DNAJC8: variants seen among roughly 807,000 people sequenced by gnomAD.
DNAJC8 encodes dnaJ homolog subfamily C member 8.
Under a neutral mutation model 43.2 loss-of-function variants are expected in DNAJC8, and 24 were observed. That is an observed-to-expected ratio of 0.56 (90% CI 0.40 to 0.78). The LOEUF (loss-of-function observed/expected upper bound fraction) is 0.78. DNAJC8 is among the 30% of genes least tolerant of loss of function. The pLI is 0.00. For missense variants in DNAJC8, 207 were observed against 299.4 expected, an observed-to-expected ratio of 0.69 and a Z score of 2.28; for synonymous variants, 83 against 98.0, an observed-to-expected ratio of 0.85 and a Z score of 0.90.
At chr1:28,225,412 A>C (rs189577536) in intron 2 of DNAJC8, among the ~76,000 whole-genome samples, 22 of 151,572 alleles carry the variant, frequency 1.5e-4, no homozygotes, top group Non-Finnish European at 2.7e-4. Context: ...AAAAAACAGA[A>C]AACAGATGAA....
intron 2 of DNAJC8, among the ~76,000 whole-genome samples, chr1:28,217,975 C>T (rs983126804): frequency 2.0e-5 from 3 of 151,810 alleles, no homozygotes; most frequent in South Asian, 4.2e-4. Context: ...CAGTTGGGCC[C>T]ATTTGCATGT....
At chr1:28,210,274 A>G in intron 4 of DNAJC8, 1 of 587,678 alleles carries the variant, frequency 1.7e-6, no homozygotes, top group South Asian at 2.2e-5. Context: ...ACTCAAGGCT[A>G]AATACACTAC....
At chr1:28,211,330 G>A (rs1646809293) in intron 3 of DNAJC8, among the ~76,000 whole-genome samples, 1 of 152,192 alleles carries the variant, frequency 6.6e-6, no homozygotes, top group Non-Finnish European at 1.5e-5. Context: ...GAAACTTTCT[G>A]AGTGCTAACA....
Position 28,214,993 on chromosome 1 carries a change from G to T in DNAJC8, c.184C>A (p.Leu62Ile). 6.2e-7 allele frequency: 1 copy of T among 1,605,774 alleles called. No homozygotes were observed. Residue 62 changes from leucine (L) to isoleucine (I), a missense_variant, in exon 3 of 9, where the codon CTT becomes ATT. This residue lies in a region of DNAJC8 where 159 missense variants were observed against 267.5 expected (regional missense o/e 0.59). Coordinates refer to ENST00000263697, the MANE Select transcript of DNAJC8 (RefSeq NM_014280.3). ...SYFNLNPFEV[L>I]QIDPEVTDEE... ...TCTGTAACTTCAGGATCTATCTGAA[G>T]AACCTGGAAGTATCAAAATCAAAAC... is the stretch of plus-strand genomic sequence containing the variant.
intron 3 of DNAJC8, among the ~76,000 whole-genome samples, chr1:28,213,794 G>T (rs536665249): frequency 1.7e-3 from 256 of 152,290 alleles, no homozygotes; most frequent in Non-Finnish European, 2.2e-3. Flanking sequence ...GAGGCCAGCA[G>T]ATCGCTTGAG....
chr1:28,229,055 T>C (rs373128164), intron 1 of DNAJC8, 32 bp from the exon 2 acceptor site: 11 of 1,540,110 alleles, frequency 7.1e-6, no homozygotes, highest in Middle Eastern at 1.7e-4. Context: ...ACTTCATTAA[T>C]AGAATTCAAT....
intron 2 of DNAJC8, among the ~76,000 whole-genome samples, chr1:28,217,347 A>G (rs1413782657): frequency 2.0e-5 from 3 of 152,042 alleles, no homozygotes; most frequent in Non-Finnish European, 2.9e-5. Flanking sequence ...CTGGCCAGGC[A>G]CAGTGGCTCA....
chr1:28,213,614 G>A (rs1482056035), intron 3 of DNAJC8, among the ~76,000 whole-genome samples: 1 of 152,090 alleles, frequency 6.6e-6, no homozygotes, highest in Non-Finnish European at 1.5e-5. Flanking sequence ...ATTAAAATAT[G>A]AAGTACATAA....
chr1:28,209,881 T>G (rs1013647100), intron 5 of DNAJC8, 91 bp downstream of exon 5: 37 of 1,110,444 alleles, frequency 3.3e-5, no homozygotes, highest in African/African-American at 3.1e-5. Flanking sequence ...GTTGTGCCAG[T>G]AGGCATTACT....
chr1:28,201,158 G>A lies in DNAJC8; in HGVS notation c.*90C>T. The A allele has an allele frequency of 6.4e-7, 1 of 1,573,122 alleles. No homozygotes were observed. Among genetic ancestry groups the A allele is most frequent in the Non-Finnish European group, 8.7e-7 (1 of 1,155,766 alleles). On this transcript the variant is annotated 3_prime_UTR_variant, in exon 9 of 9. Coordinates refer to ENST00000263697, the MANE Select transcript of DNAJC8 (RefSeq NM_014280.3). Reference sequence around the variant, plus strand: ...GACTAAAAAGCAAATACTACTCTATGTTGGGGTGGAAGTGGGAGGAAAGAA... The same window carrying A: ...GACTAAAAAGCAAATACTACTCTATATTGGGGTGGAAGTGGGAGGAAAGAA...
chr1:28,207,920 C>G (rs1202301288), intron 6 of DNAJC8, among the ~76,000 whole-genome samples: 3 of 151,898 alleles, frequency 2.0e-5, no homozygotes, highest in Non-Finnish European at 4.4e-5. Flanking sequence ...TAGCCAGAGG[C>G]CGGGCAGGGT....
At chr1:28,212,210 T>TATATATATATATATATATA (rs1557708014) in intron 3 of DNAJC8, among the ~76,000 whole-genome samples, 1 of 109,496 alleles carries the variant, frequency 9.1e-6, no homozygotes, top group Non-Finnish European at 1.9e-5. Context: ...TATATATATA[T>TATATATATATATATATATA]ATATAAATGA....
Position 28,214,980 on chromosome 1 carries a change from G to T in DNAJC8, c.197C>A (p.Pro66His). ...TTTTATTTCTTCATCTGTAACTTCA[G>T]GATCTATCTGAAGAACCTGGAAGTA... is the stretch of plus-strand genomic sequence containing the variant. Reference protein sequence around the residue: ...LNPFEVLQIDPEVTDEEIKKR... With the variant: ...LNPFEVLQIDHEVTDEEIKKR... Residue 66 changes from proline (P) to histidine (H), a missense_variant, in exon 3 of 9, where the codon CCT becomes CAT. This residue lies in a region of DNAJC8 where 159 missense variants were observed against 267.5 expected (regional missense o/e 0.59). Transcript: ENST00000263697. 6.2e-7 allele frequency: 1 copy of T among 1,607,784 alleles called. No individual in the cohort carries two copies. The highest frequency in any genetic ancestry group is 8.5e-7 in the Non-Finnish European group (1 of 1,177,124).
chr1:28,202,798 G>A (rs1572058562), intron 8 of DNAJC8, among the ~76,000 whole-genome samples: 1 of 150,876 alleles, frequency 6.6e-6, no homozygotes, highest in East Asian at 2.0e-4. Flanking sequence ...TAGCCAGGAT[G>A]GTCTCAATCT....
intron 3 of DNAJC8, 77 bp from the exon 4 acceptor site, chr1:28,210,714 C>T: frequency 1.0e-5 from 12 of 1,195,246 alleles, no homozygotes; most frequent in Non-Finnish European, 1.5e-5. Flanking sequence ...CTCGTTACAA[C>T]CAAAAGCTCT....
chr1:28,203,213 A>G lies in DNAJC8; in HGVS notation c.639+534T>C, dbSNP rs17162998. Among the ~76,000 whole-genome samples, 1,005 of 152,184 alleles carry G rather than the reference A, an allele frequency of 6.6e-3. 12 individuals carry two copies. Among genetic ancestry groups the G allele is most frequent in the African/African-American group, 0.023 (944 of 41,538 alleles). On this transcript the variant is annotated intron_variant, in intron 8 of 8. Coordinates refer to ENST00000263697, the MANE Select transcript of DNAJC8 (RefSeq NM_014280.3). ...GCCAGCCCCTAACCATGAGTCCTAAACCCTATAGAAGAAAAGACCGAATGT... is the reference window on the plus strand; with the variant it reads ...GCCAGCCCCTAACCATGAGTCCTAAGCCCTATAGAAGAAAAGACCGAATGT...
At chr1:28,213,674 G>A (rs895749691) in intron 3 of DNAJC8, among the ~76,000 whole-genome samples, 1 of 152,040 alleles carries the variant, frequency 6.6e-6, no homozygotes, top group African/African-American at 2.4e-5. Context: ...GGAATATATA[G>A]AAAATCCAAT....
intron 4 of DNAJC8, 72 bp downstream of exon 4, chr1:28,210,499 A>T: frequency 7.3e-7 from 1 of 1,371,650 alleles, no homozygotes; most frequent in East Asian, 2.3e-5. Context: ...TCTTTGCTTG[A>T]TCTAGGACAA....
intron 2 of DNAJC8, among the ~76,000 whole-genome samples, chr1:28,218,286 G>A (rs925069627): frequency 4.3e-4 from 65 of 151,678 alleles, no homozygotes; most frequent in African/African-American, 1.6e-3. Flanking sequence ...GTAGAGACGG[G>A]GTTTCTCCAT....
Sources: gnomAD v4.1 joint callset for allele counts (sites outside exome capture counted in the v4.1 genomes callset) on GRCh38, gnomAD v4.1.1 for gene constraint, gnomAD v4.1.1 regional missense constraint, MANE v1.5 for transcripts, NCBI Gene and HGNC (gene_info 2026-07-23, HGNC 2026-07-21) for gene names.